Variants in ROBO2 observed in about 807,000 individuals in gnomAD.
The protein encoded by ROBO2 is roundabout guidance receptor 2.
In ROBO2, 53 loss-of-function variants were observed where a neutral mutation model predicts 160.8. The ratio of observed to expected loss-of-function variants is 0.33; its 90% CI spans 0.26 to 0.41. ROBO2 has a LOEUF of 0.41. Among genes scored for constraint, ROBO2 ranks in the 10% least tolerant of loss-of-function variants. ROBO2 has a pLI of 1.00. For missense variants in ROBO2, 1,577 were observed against 1,722.4 expected (o/e 0.92, Z 1.49); for synonymous variants, 664 against 611.7 (o/e 1.09, Z -1.26).
Position 76,576,701 on chromosome 3 carries a change from CTTTTTT to C in ROBO2, c.110-521297_110-521292del, listed in dbSNP as rs56404865. On this transcript the variant is annotated intron_variant, in intron 2 of 26. Transcript: ENST00000487694. Reference sequence around the variant, plus strand: ...TTTTACAGTTTAAATCATTTTCTTTCTTTTTTTTTTTTTTTTTTTTTGACAGAGATT... The same window carrying C: ...TTTTACAGTTTAAATCATTTTCTTTCTTTTTTTTTTTTTTTGACAGAGATT... Among the ~76,000 whole-genome samples the C allele has an allele frequency of 9.0e-3, 563 of 62,410 alleles. 4 individuals carry two copies. Among genetic ancestry groups the C allele is most frequent in the African/African-American group, 0.033 (539 of 16,204 alleles). The allele number at this position is 62,410 out of a possible 152,430, so 40.9% of individuals were successfully genotyped here.
At chr3:77,532,663 G>A (rs538571266) in intron 6 of ROBO2, among the ~76,000 whole-genome samples, 35 of 151,372 alleles carry the variant, frequency 2.3e-4, no homozygotes, top group African/African-American at 3.4e-4. Flanking sequence ...AATATACCGC[G>A]TCTCTAACTT....
intron 2 of ROBO2, among the ~76,000 whole-genome samples, chr3:76,910,741 A>AG (rs1433770708): frequency 2.1e-5 from 3 of 139,642 alleles, no homozygotes; most frequent in Non-Finnish European, 4.5e-5. Context: ...AAAAAAAAAA[A>AG]AAAGAAAAAA....
rs544284596 is a variant in ROBO2, at chr3:76,435,117, G to T, written c.109+497515G>T. 1.7e-5 allele frequency: 16 copies of T among 953,076 alleles called. No individual in the cohort carries two copies. The African/African-American group carries it at 1.8e-4, about 11-fold the overall frequency. The allele number at this position is 953,076 out of a possible 1,614,324, so 59.0% of individuals were successfully genotyped here. A position where few individuals can be genotyped will look rare whatever the true frequency, so the allele number is the denominator to read the frequency against. ...GGGCAAAATGAACTCCATTACAGTA[G>T]ATAACTGTAAGAAGCTTGGTCTGGT... On this transcript the variant is annotated intron_variant, in intron 2 of 26. Transcript: ENST00000487694.
chr3:77,247,407 C>G (rs962505643), intron 2 of ROBO2, among the ~76,000 whole-genome samples: 1 of 152,046 alleles, frequency 6.6e-6, no homozygotes, highest in African/African-American at 2.4e-5. Context: ...GAGGCTGTTC[C>G]GCAAGGACAT....
intron 2 of ROBO2, among the ~76,000 whole-genome samples, chr3:76,556,626 T>C (rs1363093086): frequency 6.6e-6 from 1 of 152,188 alleles, no homozygotes; most frequent in Non-Finnish European, 1.5e-5. Context: ...TTTATTCATT[T>C]CTATGCTTAT....
At chr3:77,080,329 C>T (rs1299027318) in intron 1 of ROBO2, among the ~76,000 whole-genome samples, 16 of 152,026 alleles carry the variant, frequency 1.1e-4, no homozygotes, top group Non-Finnish European at 1.9e-4. Context: ...GCAAATTTAC[C>T]AGATGGAGGC....
intron 2 of ROBO2, among the ~76,000 whole-genome samples, chr3:76,906,515 A>G (rs1426680188): frequency 6.6e-6 from 1 of 151,836 alleles, no homozygotes; most frequent in Non-Finnish European, 1.5e-5. Context: ...ATTATTATTA[A>G]GTAAAGGGTA....
At chr3:77,380,325 A>G (rs2073272586) in intron 2 of ROBO2, among the ~76,000 whole-genome samples, 1 of 152,194 alleles carries the variant, frequency 6.6e-6, no homozygotes, top group African/African-American at 2.4e-5. Flanking sequence ...GAAGTATGAC[A>G]GTGTTGACGT....
At chr3:77,103,230 AG>A (rs146665830) in intron 2 of ROBO2, among the ~76,000 whole-genome samples, 2,546 of 152,222 alleles carry the variant, frequency 0.017, 73 homozygotes, top group African/African-American at 0.056. Flanking sequence ...CCAGGGTAAG[AG>A]GGGGTTCTGG....
chr3:76,970,586 G>C (rs2059526559), intron 2 of ROBO2, among the ~76,000 whole-genome samples: 1 of 152,106 alleles, frequency 6.6e-6, no homozygotes, highest in East Asian at 1.9e-4. Flanking sequence ...TACATGGAAA[G>C]GGACAGAAGA....
Position 76,433,960 on chromosome 3 carries a change from A to G in ROBO2, c.109+496358A>G, listed in dbSNP as rs769556716. 17 of 755,816 alleles carry G rather than the reference A, an allele frequency of 2.2e-5. No individual in the cohort carries two copies. In the East Asian group the frequency reaches 3.9e-4, roughly 17 times the overall value. 46.8% of individuals were successfully genotyped at this position (755,816 alleles called of 1,614,324 possible). A position where few individuals can be genotyped will look rare whatever the true frequency, so the allele number is the denominator to read the frequency against. On this transcript the variant is annotated intron_variant, in intron 2 of 26. Transcript: ENST00000487694. ...CATCTTGGGATTCTACTCCAATACA[A>G]TCTAGAAGAAAATTAAGGGCAGTCC...
At chr3:76,032,250 C>G (rs1007707004) in intron 2 of ROBO2, among the ~76,000 whole-genome samples, 1 of 151,820 alleles carries the variant, frequency 6.6e-6, no homozygotes. Flanking sequence ...TCTCTCTTTT[C>G]TTCTTTATTG....
intron 9 of ROBO2, among the ~76,000 whole-genome samples, chr3:77,561,815 T>A (rs549937130): frequency 1.8e-4 from 27 of 152,170 alleles, no homozygotes; most frequent in African/African-American, 6.0e-4. Flanking sequence ...AAAATATTTC[T>A]TTTTCTGGCT....
At chr3:76,561,517 A>G (rs764060517) in intron 2 of ROBO2, among the ~76,000 whole-genome samples, 13 of 152,156 alleles carry the variant, frequency 8.5e-5, no homozygotes, top group South Asian at 2.1e-4. Flanking sequence ...ATAACTGATT[A>G]TTGTTAAGTG....
chr3:76,443,290 A>C (rs1358749714), intron 2 of ROBO2, among the ~76,000 whole-genome samples: 1 of 152,128 alleles, frequency 6.6e-6, no homozygotes. Context: ...ATTGGAGATC[A>C]CATTTCAACA....
At chr3:76,024,888 A>G (rs1256320648) in intron 2 of ROBO2, among the ~76,000 whole-genome samples, 3 of 151,054 alleles carry the variant, frequency 2.0e-5, no homozygotes, top group Non-Finnish European at 3.0e-5. Context: ...AGCAGTGACA[A>G]ACTCACCTTT....
intron 2 of ROBO2, among the ~76,000 whole-genome samples, chr3:75,942,756 C>G (rs1948113576): frequency 6.6e-6 from 1 of 152,082 alleles, no homozygotes; most frequent in African/African-American, 2.4e-5. Flanking sequence ...GAAAGTATTA[C>G]AGCAGTTTAA....
At chr3:77,110,663 A>T (rs998924105) in intron 2 of ROBO2, among the ~76,000 whole-genome samples, 20 of 148,978 alleles carry the variant, frequency 1.3e-4, no homozygotes, top group Non-Finnish European at 2.8e-4. Flanking sequence ...ATAAATGTAA[A>T]TATAAGTATA....
rs151136092 is a variant in ROBO2 at position 76,918,902 on chromosome 3, A to G, written c.110-179112A>G. 9.1e-3 allele frequency among the ~76,000 whole-genome samples: 1,367 copies of G among 150,632 alleles called. 18 individuals are homozygous for G. The highest frequency in any genetic ancestry group is 0.029 in the African/African-American group (1,203 of 41,148). ...GTATCTCATTGTGGTTTTGATTTGC[A>G]TTTCTCTAATGATCAGTGATGTTGA... is the stretch of plus-strand genomic sequence containing the variant. On this transcript the variant is annotated intron_variant, in intron 2 of 26. Coordinates refer to the ROBO2 transcript ENST00000487694.
Sources: allele counts gnomAD v4.1 joint callset (sites outside exome capture counted in the v4.1 genomes callset), GRCh38; gene constraint gnomAD v4.1.1; transcripts MANE v1.5; gene names NCBI Gene and HGNC (gene_info 2026-07-23, HGNC 2026-07-21).